Variants in SLC25A43 observed in about 807,000 individuals in gnomAD.
SLC25A43 encodes the protein solute carrier family 25 member 43, also known as solute carrier family 25, member 43.
Under a neutral mutation model 22.8 loss-of-function variants are expected in SLC25A43, and 10 were observed. The observed-to-expected ratio is 0.44, with a 90% CI of 0.27 to 0.74. SLC25A43 has a LOEUF of 0.74. Ranked by LOEUF, SLC25A43 falls within the 30% of genes least tolerant of loss-of-function variation. The probability of loss-of-function intolerance (pLI) is 0.17; values close to 1 mark genes in which losing one functional copy is unlikely to be tolerated. For synonymous variants in SLC25A43, 106 were observed against 121.6 expected, an observed-to-expected ratio of 0.87 and a Z score of 0.84; for missense variants, 233 against 279.1, an observed-to-expected ratio of 0.83 and a Z score of 1.18.
chrX:119,423,096 G>T (rs1460693463), intron 3 of SLC25A43: 1 of 111,557 alleles, frequency 9.0e-6, no homozygotes. Context: ...GACACAAAAA[G>T]TTGGCCCTCC....
At chrX:119,414,054 C>A (rs981560930) in intron 3 of SLC25A43, among the ~76,000 whole-genome samples, 3 of 112,079 alleles carry the variant, frequency 2.7e-5, no homozygotes, top group African/African-American at 9.7e-5. Flanking sequence ...AAAGCAGTGG[C>A]TCAGCTTCTA....
intron 3 of SLC25A43, among the ~76,000 whole-genome samples, chrX:119,410,983 T>C (rs1336350475): frequency 9.0e-6 from 1 of 111,028 alleles, no homozygotes; most frequent in East Asian, 2.8e-4. Context: ...ATATCACTTG[T>C]GGCTCTCCTT....
chrX:119,399,480 G>T lies in SLC25A43; in HGVS notation c.77G>T (p.Ser26Ile). 9.2e-7 allele frequency: 1 copy of T among 1,088,486 alleles called. No individual in the cohort carries two copies. Among genetic ancestry groups the T allele is most frequent in the Non-Finnish European group, 1.2e-6 (1 of 838,320 alleles). 89.7% of individuals were successfully genotyped at this position (1,088,486 alleles called of 1,213,427 possible). ...LLCAGLAGTL[S>I]LSLTAPLELA... Reference sequence around the variant, plus strand: ...TGCGCTGGGCTGGCGGGGACGCTCAGCCTCAGCCTCACCGCGCCCCTGGAG... The same window carrying T: ...TGCGCTGGGCTGGCGGGGACGCTCATCCTCAGCCTCACCGCGCCCCTGGAG... The change falls in exon 1 of 5, where the codon AGC becomes ATC. Residue 26 changes from serine (S) to isoleucine (I), a missense_variant. Coordinates refer to ENST00000217909, the MANE Select transcript of SLC25A43 (RefSeq NM_145305.3).
intron 3 of SLC25A43, chrX:119,426,246 A>G: frequency 2.6e-6 from 2 of 755,571 alleles, no homozygotes; most frequent in Non-Finnish European, 3.1e-6. Flanking sequence ...AGACTAGCTC[A>G]GTGGGTAACA....
chrX:119,425,535 G>T (rs1225920974), intron 3 of SLC25A43, among the ~76,000 whole-genome samples: 1 of 105,835 alleles, frequency 9.4e-6, no homozygotes, highest in African/African-American at 3.5e-5. Flanking sequence ...TTAGTTTGTT[G>T]TATTTTCAAC....
intron 3 of SLC25A43, among the ~76,000 whole-genome samples, chrX:119,415,522 C>A (rs1240003649): frequency 1.8e-5 from 2 of 108,560 alleles, no homozygotes; most frequent in African/African-American, 3.4e-5. Flanking sequence ...TGGTGAAACC[C>A]TGTCTCTACT....
intron 1 of SLC25A43, among the ~76,000 whole-genome samples, chrX:119,400,027 T>C (rs2052223590): frequency 8.9e-6 from 1 of 112,086 alleles, no homozygotes; most frequent in South Asian, 3.7e-4. Flanking sequence ...GTCCTAACCA[T>C]TTCCACCGTC....
At chrX:119,452,492 C>CAAAAAAAA (rs376677564) in intron 4 of SLC25A43, among the ~76,000 whole-genome samples, 4 of 66,052 alleles carry the variant, frequency 6.1e-5, no homozygotes, top group Non-Finnish European at 6.0e-5. Flanking sequence ...AACTCCATGA[C>CAAAAAAAA]AAAAAAAAAA....
At chrX:119,417,866 G>A (rs2052418990) in intron 3 of SLC25A43, among the ~76,000 whole-genome samples, 1 of 110,821 alleles carries the variant, frequency 9.0e-6, no homozygotes, top group Non-Finnish European at 1.9e-5. Flanking sequence ...GTCATCCAAA[G>A]ATATAGGAAG....
chrX:119,402,573 T>G (rs1388418793), intron 1 of SLC25A43, among the ~76,000 whole-genome samples: 1 of 112,130 alleles, frequency 8.9e-6, no homozygotes, highest in Non-Finnish European at 1.9e-5. Flanking sequence ...TTGGCTGCAC[T>G]GGCTGCCAAC....
chrX:119,415,502 C>T (rs955260278), intron 3 of SLC25A43, among the ~76,000 whole-genome samples: 1 of 108,305 alleles, frequency 9.2e-6, no homozygotes, highest in Non-Finnish European at 1.9e-5. Context: ...CGAGACCAGC[C>T]GGGCCAACGT....
At position 119,414,266 on chromosome X, in the gene SLC25A43, T is replaced by C. The variant is rs751271450; in HGVS notation, c.690+3904T>C. Among the ~76,000 whole-genome samples, 225 of 112,693 alleles carry C rather than the reference T, an allele frequency of 2.0e-3. 2 individuals carry two copies. Among genetic ancestry groups the C allele is most frequent in the African/African-American group, 7.1e-3 (219 of 31,051 alleles). On this transcript the variant is annotated intron_variant, in intron 3 of 4. Coordinates refer to ENST00000217909, the MANE Select transcript of SLC25A43 (RefSeq NM_145305.3). ...CTATTTTTCTAGAATATTCAACTTT[T>C]TCTATTCATTGGTAAGAAGTCTTTA... is the stretch of plus-strand genomic sequence containing the variant.
At chrX:119,442,263 G>T (rs1223055142) in intron 3 of SLC25A43, among the ~76,000 whole-genome samples, 1 of 111,926 alleles carries the variant, frequency 8.9e-6, no homozygotes, top group Non-Finnish European at 1.9e-5. Flanking sequence ...ACTGGATATA[G>T]ATGGACCTTG....
intron 3 of SLC25A43, among the ~76,000 whole-genome samples, chrX:119,425,749 GT>G (rs774372970): frequency 1.1e-3 from 120 of 107,785 alleles, no homozygotes; most frequent in Middle Eastern, 4.8e-3. Flanking sequence ...CCCCACCCTT[GT>G]TTTTTTTTCA....
chrX:119,442,410 C>T (rs1219383441), intron 3 of SLC25A43, among the ~76,000 whole-genome samples: 1 of 112,038 alleles, frequency 8.9e-6, no homozygotes, highest in Admixed American at 9.5e-5. Context: ...CAATTCTTAC[C>T]AGAAACTGGC....
intron 3 of SLC25A43, among the ~76,000 whole-genome samples, chrX:119,430,449 T>C (rs1307797599): frequency 8.9e-6 from 1 of 112,265 alleles, no homozygotes; most frequent in Non-Finnish European, 1.9e-5. Context: ...ATCACAGAGC[T>C]AGTGAGTGGC....
At chrX:119,404,059 G>A (rs1260340406) in intron 1 of SLC25A43, among the ~76,000 whole-genome samples, 3 of 104,680 alleles carry the variant, frequency 2.9e-5, no homozygotes, top group African/African-American at 1.1e-4. Context: ...AGTGCAGTGC[G>A]TGATCTCGGC....
intron 1 of SLC25A43, among the ~76,000 whole-genome samples, chrX:119,401,874 G>A (rs1344932248): frequency 2.7e-5 from 3 of 110,734 alleles, no homozygotes; most frequent in Non-Finnish European, 5.7e-5. Flanking sequence ...TAGCAGCTGA[G>A]GGCACCGGCA....
intron 1 of SLC25A43, 145 bp downstream of exon 1, chrX:119,399,823 C>T (rs1603292935): frequency 1.7e-6 from 1 of 604,038 alleles, no homozygotes; most frequent in African/African-American, 2.3e-5. Flanking sequence ...CCCCTCGGGG[C>T]GGTGGGCCAC....
Sources: gnomAD v4.1 joint callset for allele counts (sites outside exome capture counted in the v4.1 genomes callset) on GRCh38, gnomAD v4.1.1 for gene constraint, MANE v1.5 for transcripts, NCBI Gene and HGNC (gene_info 2026-07-23, HGNC 2026-07-21) for gene names.